The following ME3 variants were observed in gnomAD, a reference collection of about 807,000 sequenced individuals.
ME3 encodes malic enzyme 3.
A neutral mutation model predicts 68.9 loss-of-function variants in ME3; 48 were observed. The observed-to-expected ratio is 0.70, with a 90% CI of 0.55 to 0.89. ME3 has a LOEUF of 0.89. Ranked by LOEUF, ME3 falls within the 40% of genes least tolerant of loss-of-function variation. The pLI is 0.00. For missense variants in ME3, 675 were observed against 797.4 expected, an observed-to-expected ratio of 0.85 and a Z score of 1.85; for synonymous variants, 320 against 318.8, an observed-to-expected ratio of 1.00 and a Z score of -0.04.
At chr11:86,491,375 C>T (rs972418513) in intron 6 of ME3, among the ~76,000 whole-genome samples, 15 of 152,222 alleles carry the variant, frequency 9.9e-5, no homozygotes, top group Admixed American at 6.5e-4. Flanking sequence ...CACCCTCTGC[C>T]GGGTCCTCCT....
chr11:86,507,275 G>C (rs1953152055), intron 5 of ME3, among the ~76,000 whole-genome samples: 1 of 152,222 alleles, frequency 6.6e-6, no homozygotes, highest in East Asian at 1.9e-4. Context: ...CACAGACACA[G>C]TGTACTGTCA....
chr11:86,662,513 C>T (rs1054055888), intron 2 of ME3, among the ~76,000 whole-genome samples: 4 of 152,132 alleles, frequency 2.6e-5, no homozygotes, highest in African/African-American at 9.7e-5. Context: ...GGGAGGATCA[C>T]TTGAGCCCAA....
intron 2 of ME3, among the ~76,000 whole-genome samples, chr11:86,579,643 T>A (rs894324128): frequency 6.6e-6 from 1 of 152,216 alleles, no homozygotes; most frequent in African/African-American, 2.4e-5. Context: ...CCTAGGAATG[T>A]CCTTAGAATT....
Position 86,653,885 on chromosome 11 carries a change from T to C in ME3, c.183+17877A>G, listed in dbSNP as rs559902411. On this transcript the variant is annotated intron_variant, in intron 2 of 14. Coordinates refer to ENST00000543262, the Ensembl canonical transcript of ME3. ...AAGAAGAAAAGAGAGAAGAATCAAG[T>C]AGAGGCAATAAAAAATGATAAAGGG... Among the ~76,000 whole-genome samples the C allele has an allele frequency of 2.0e-5, 3 of 152,086 alleles. No homozygotes were observed. The South Asian group carries it at 6.2e-4, about 32-fold the overall frequency.
chr11:86,660,802 G>T lies in ME3; in HGVS notation c.183+10960C>A, dbSNP rs150717445. On this transcript the variant is annotated intron_variant, in intron 2 of 14. Coordinates refer to ENST00000543262, the Ensembl canonical transcript of ME3. ...TCACAAAAGATGCTATTCTTTAGAG[G>T]AAGTGCACCTGGCACAACATCAGAG... Among the ~76,000 whole-genome samples, 704 of 151,964 alleles carry T rather than the reference G, an allele frequency of 4.6e-3. 12 individuals carry two copies. The highest frequency in any genetic ancestry group is 0.016 in the African/African-American group (649 of 41,266).
At chr11:86,457,819 T>C (rs1950025153) in intron 8 of ME3, 1 of 1,253,800 alleles carries the variant, frequency 8.0e-7, no homozygotes, top group Admixed American at 2.4e-5. Flanking sequence ...CATAATTACA[T>C]TTCCTGCAAA....
chr11:86,435,644 A>T, the ME3 span: 1 of 152,232 alleles, frequency 6.6e-6, no homozygotes, highest in Non-Finnish European at 1.5e-5. Context: ...GGAAATAGAC[A>T]CTGAATCTGA....
intron 7 of ME3, among the ~76,000 whole-genome samples, chr11:86,485,639 C>T (rs576325397): frequency 1.3e-5 from 2 of 152,264 alleles, no homozygotes; most frequent in Non-Finnish European, 2.9e-5. Flanking sequence ...CATTGATCAC[C>T]CTTTCACTGT....
intron 2 of ME3, among the ~76,000 whole-genome samples, chr11:86,651,422 C>T (rs1945418890): frequency 6.6e-6 from 1 of 152,206 alleles, no homozygotes; most frequent in African/African-American, 2.4e-5. Flanking sequence ...CAGGCAGCAA[C>T]ATTTGCTGTT....
intron 2 of ME3, among the ~76,000 whole-genome samples, chr11:86,662,425 C>G (rs917253706): frequency 6.6e-6 from 1 of 151,790 alleles, no homozygotes; most frequent in East Asian, 1.9e-4. Context: ...CTTGTCTCTA[C>G]AGAAAATTAA....
At chr11:86,599,606 C>G (rs1960226071) in intron 2 of ME3, among the ~76,000 whole-genome samples, 1 of 152,148 alleles carries the variant, frequency 6.6e-6, no homozygotes, top group Non-Finnish European at 1.5e-5. Flanking sequence ...GAGAACACCA[C>G]AAAGATACTC....
intron 4 of ME3, among the ~76,000 whole-genome samples, chr11:86,528,834 A>T (rs1954977808): frequency 6.6e-6 from 1 of 152,192 alleles, no homozygotes; most frequent in African/African-American, 2.4e-5. Context: ...ACATGCCAGA[A>T]TCTCTGGGAC....
At chr11:86,631,435 T>C (rs1299206668) in intron 2 of ME3, among the ~76,000 whole-genome samples, 1 of 152,120 alleles carries the variant, frequency 6.6e-6, no homozygotes, top group African/African-American at 2.4e-5. Flanking sequence ...GTGACAAGAA[T>C]GTGAGAGAAC....
At position 86,527,114 on chromosome 11, in the gene ME3, T is replaced by G. The variant is rs537134212; in HGVS notation, c.468-18247A>C. On this transcript the variant is annotated intron_variant, in intron 4 of 14. Coordinates refer to ENST00000543262, the Ensembl canonical transcript of ME3. ...CCCATGGCAAAGAAGTTAAAAACCT[T>G]GAAAAAAGATTAGACAAATGGCTTC... Among the ~76,000 whole-genome samples the G allele has an allele frequency of 2.6e-4, 39 of 152,128 alleles. No homozygotes were observed. The South Asian group carries it at 8.1e-3, about 32-fold the overall frequency.
intron 2 of ME3, among the ~76,000 whole-genome samples, chr11:86,589,591 G>A (rs958045404): frequency 1.3e-5 from 2 of 152,170 alleles, no homozygotes; most frequent in Non-Finnish European, 2.9e-5. Context: ...ATACTCATCT[G>A]TCTTAGACAT....
chr11:86,553,348 T>C (rs1302243310), intron 4 of ME3, among the ~76,000 whole-genome samples: 2 of 152,244 alleles, frequency 1.3e-5, no homozygotes, highest in African/African-American at 4.8e-5. Context: ...CTTGGGAACC[T>C]GGCAGGAGTG....
At chr11:86,660,364 G>T (rs1471205814) in intron 2 of ME3, among the ~76,000 whole-genome samples, 3 of 152,234 alleles carry the variant, frequency 2.0e-5, no homozygotes. Flanking sequence ...TGTTAGGAAT[G>T]CAACAGAAGC....
At chr11:86,480,500 A>C (rs1951338554) in intron 7 of ME3, among the ~76,000 whole-genome samples, 1 of 152,170 alleles carries the variant, frequency 6.6e-6, no homozygotes, top group African/African-American at 2.4e-5. Flanking sequence ...TCTTTACCTA[A>C]CTAATGAGTT....
intron 2 of ME3, among the ~76,000 whole-genome samples, chr11:86,567,649 T>G (rs1305166293): frequency 1.3e-5 from 2 of 152,182 alleles, no homozygotes; most frequent in Non-Finnish European, 2.9e-5. Context: ...TCTTTTGTAT[T>G]TGAGGAAAAG....
Sources: allele counts gnomAD v4.1 joint callset (sites outside exome capture counted in the v4.1 genomes callset), GRCh38; gene constraint gnomAD v4.1.1; transcripts MANE v1.5; gene names NCBI Gene and HGNC (gene_info 2026-07-23, HGNC 2026-07-21).